XPR1: variants seen among roughly 807,000 people sequenced by gnomAD.
XPR1 encodes xenotropic and polytropic retrovirus receptor 1, also known as solute carrier family 53 member 1.
XPR1 carries 28 observed loss-of-function variants against 87.5 expected under a neutral mutation model. That is an observed-to-expected ratio of 0.32 (90% CI 0.24 to 0.44). The LOEUF is 0.44. Ranked by LOEUF, XPR1 falls within the 20% of genes least tolerant of loss-of-function variation. The pLI, the probability that XPR1 is intolerant of heterozygous loss-of-function variation, is 1.00. For synonymous variants in XPR1, 300 were observed against 306.1 expected (o/e 0.98, Z 0.21); for missense variants, 559 against 862.3 (o/e 0.65, Z 4.41).
At chr1:180,770,416 C>T (rs563519267) in intron 2 of XPR1, among the ~76,000 whole-genome samples, 1 of 152,158 alleles carries the variant, frequency 6.6e-6, no homozygotes, top group East Asian at 1.9e-4. Context: ...ATGTGTTTTT[C>T]TCTTTTTAAT....
intron 6 of XPR1, among the ~76,000 whole-genome samples, chr1:180,810,940 A>G (rs1650188850): frequency 6.6e-6 from 1 of 152,142 alleles, no homozygotes; most frequent in East Asian, 1.9e-4. Context: ...ATACTATTGC[A>G]TATAACCTGT....
chr1:180,785,871 G>A (rs1036914511), intron 2 of XPR1, among the ~76,000 whole-genome samples: 2 of 151,128 alleles, frequency 1.3e-5, no homozygotes, highest in Non-Finnish European at 2.9e-5. Context: ...TTTTATATCA[G>A]CTATAGCTAG....
intron 1 of XPR1, among the ~76,000 whole-genome samples, chr1:180,637,071 A>C (rs34084886): frequency 7.0e-6 from 1 of 142,100 alleles, no homozygotes; most frequent in Admixed American, 7.0e-5. Context: ...AAAAAAAAAA[A>C]GGAAAAGTAA....
intron 1 of XPR1, among the ~76,000 whole-genome samples, chr1:180,642,742 C>G (rs1654998322): frequency 6.6e-6 from 1 of 151,978 alleles, no homozygotes; most frequent in Admixed American, 6.6e-5. Context: ...TTTGGGTGGT[C>G]TCCTGATCAC....
At chr1:180,874,582 C>T (rs181100718) in intron 13 of XPR1, among the ~76,000 whole-genome samples, 1 of 151,808 alleles carries the variant, frequency 6.6e-6, no homozygotes, top group Non-Finnish European at 1.5e-5. Context: ...CCCAGCTACT[C>T]GGGAGGCTGA....
intron 2 of XPR1, among the ~76,000 whole-genome samples, chr1:180,747,908 A>G (rs1647325808): frequency 6.6e-6 from 1 of 152,222 alleles, no homozygotes; most frequent in South Asian, 2.1e-4. Context: ...CCTTTTATTT[A>G]AAGTGATTGT....
chr1:180,731,491 C>T (rs1287709824), intron 2 of XPR1, among the ~76,000 whole-genome samples: 1 of 152,106 alleles, frequency 6.6e-6, no homozygotes, highest in Non-Finnish European at 1.5e-5. Context: ...AGTTTCAGTT[C>T]TTTGATACCT....
At chr1:180,760,418 T>C (rs1159292363) in intron 2 of XPR1, among the ~76,000 whole-genome samples, 3 of 152,202 alleles carry the variant, frequency 2.0e-5, no homozygotes, top group African/African-American at 7.2e-5. Flanking sequence ...CAGCAAAGTC[T>C]CAGGATACAG....
chr1:180,801,785 AT>A (rs542465078), intron 3 of XPR1, among the ~76,000 whole-genome samples: 248 of 144,864 alleles, frequency 1.7e-3, no homozygotes, highest in Admixed American at 2.1e-3. Context: ...GTCCCTTGGC[AT>A]TTTTTTTTTT....
intron 2 of XPR1, among the ~76,000 whole-genome samples, chr1:180,717,195 G>A (rs931499432): frequency 9.9e-5 from 15 of 152,160 alleles, no homozygotes; most frequent in African/African-American, 3.6e-4. Context: ...GTTTCACCAT[G>A]TTGGTCAGGC....
chr1:180,791,147 CA>C (rs1649363568), intron 3 of XPR1, among the ~76,000 whole-genome samples: 1 of 152,114 alleles, frequency 6.6e-6, no homozygotes, highest in African/African-American at 2.4e-5. Context: ...TTTACTATGA[CA>C]TTTTTTGAAA....
At chr1:180,674,742 T>C (rs1039197374) in intron 1 of XPR1, among the ~76,000 whole-genome samples, 5 of 152,056 alleles carry the variant, frequency 3.3e-5, no homozygotes, top group African/African-American at 1.2e-4. Context: ...TCCCAGCCAC[T>C]CTGTTATGCT....
chr1:180,732,189 T>C, intron 2 of XPR1, among the ~76,000 whole-genome samples: 1 of 69,842 alleles, frequency 1.4e-5, no homozygotes, highest in Non-Finnish European at 2.4e-5. Flanking sequence ...TGAGACTCCA[T>C]CTCAAAAAAA....
In XPR1 at chr1:180,652,668, A is replaced by G. The variant is rs546517366; in HGVS notation, c.69+20398A>G. Among the ~76,000 whole-genome samples the G allele has an allele frequency of 7.2e-5, 11 of 152,334 alleles. No homozygotes were observed. In the East Asian group the frequency reaches 2.1e-3, roughly 29 times the overall value. On this transcript the variant is annotated intron_variant, in intron 1 of 14. Transcript: ENST00000367590. The stretch of plus-strand genomic sequence containing the variant: ...ACTTTTTATAAGAAATAAAGGTTTT[A>G]GCTCCTTTGATCAAGACAAACCAAA...
In XPR1 at chr1:180,825,273, A is replaced by T. The variant is rs768411805; in HGVS notation, c.1063A>T (p.Met355Leu). 1.9e-6 allele frequency: 3 copies of T among 1,613,856 alleles called. No individual in the cohort carries two copies. The African/African-American group carries it at 4.0e-5, about 22-fold the overall frequency. ...YVYPLALYGF[M>L]VFFLINPTKT... ...GTATCCACTTGCCCTTTATGGATTT[A>T]TGGTTTTCTTCCTTATCAACCCCAC... The change falls in exon 9 of 15, where the codon ATG becomes TTG. Residue 355 changes from methionine to leucine, a missense_variant. Transcript: ENST00000367590.
chr1:180,758,400 A>C (rs1423785801), intron 2 of XPR1, among the ~76,000 whole-genome samples: 1 of 152,194 alleles, frequency 6.6e-6, no homozygotes, highest in African/African-American at 2.4e-5. Flanking sequence ...TTACCACTGA[A>C]GTATACACTT....
chr1:180,756,684 AAG>A (rs770515630), intron 2 of XPR1, among the ~76,000 whole-genome samples: 8 of 152,156 alleles, frequency 5.3e-5, no homozygotes, highest in Non-Finnish European at 1.0e-4. Flanking sequence ...TGTCATATGT[AAG>A]AGAGGTTTGT....
At chr1:180,787,324 C>A (rs1266391704) in intron 2 of XPR1, among the ~76,000 whole-genome samples, 1 of 149,058 alleles carries the variant, frequency 6.7e-6, no homozygotes, top group Admixed American at 6.7e-5. Context: ...TTTTTTGAAA[C>A]GGGGTCTTGC....
chr1:180,855,706 A>G (rs892541696), intron 11 of XPR1, among the ~76,000 whole-genome samples: 1 of 151,176 alleles, frequency 6.6e-6, no homozygotes, highest in Non-Finnish European at 1.5e-5. Flanking sequence ...GTTTTACTAT[A>G]ACTTTCATTG....
Sources: gnomAD v4.1 joint callset for allele counts (sites outside exome capture counted in the v4.1 genomes callset) on GRCh38, gnomAD v4.1.1 for gene constraint, MANE v1.5 for transcripts, NCBI Gene and HGNC (gene_info 2026-07-23, HGNC 2026-07-21) for gene names.